The following CSMD2 variants were observed in gnomAD, a reference collection of about 807,000 sequenced individuals.
The protein encoded by CSMD2 is CUB and sushi domain-containing protein 2.
In CSMD2, 130 loss-of-function variants were observed where a neutral mutation model predicts 398.5. That is an observed-to-expected ratio of 0.33 (90% CI 0.28 to 0.38). CSMD2 has a LOEUF of 0.38. Ranked by LOEUF, CSMD2 falls within the 10% of genes least tolerant of loss-of-function variation. The pLI, the probability that CSMD2 is intolerant of heterozygous loss-of-function variation, is 1.00. For missense variants in CSMD2, 3,829 were observed against 4,764.9 expected, an observed-to-expected ratio of 0.80 and a Z score of 5.78; for synonymous variants, 1,828 against 1,908.5, an observed-to-expected ratio of 0.96 and a Z score of 1.10.
chr1:33,625,770 A>G (rs761172202), intron 33 of CSMD2, among the ~76,000 whole-genome samples: 2 of 152,188 alleles, frequency 1.3e-5, no homozygotes, highest in African/African-American at 2.4e-5. Flanking sequence ...AGAGAAACAC[A>G]GCTCATCCTG....
intron 11 of CSMD2, among the ~76,000 whole-genome samples, chr1:33,791,453 T>C (rs1302852783): frequency 1.3e-5 from 2 of 152,166 alleles, no homozygotes; most frequent in Non-Finnish European, 2.9e-5. Flanking sequence ...TCTCTGAAGC[T>C]AAGCCACATG....
intron 39 of CSMD2, among the ~76,000 whole-genome samples, chr1:33,615,806 C>A (rs1641347545): frequency 6.6e-6 from 1 of 152,240 alleles, no homozygotes; most frequent in Non-Finnish European, 1.5e-5. Flanking sequence ...ATGCCCTACA[C>A]CGTGGTGAAA....
chr1:33,948,878 G>T (rs951418280), intron 3 of CSMD2, among the ~76,000 whole-genome samples: 5 of 152,204 alleles, frequency 3.3e-5, no homozygotes, highest in African/African-American at 1.2e-4. Flanking sequence ...TTCAGAGGTA[G>T]GGATCAAGGG....
intron 1 of CSMD2, among the ~76,000 whole-genome samples, chr1:34,098,213 T>A (rs944823059): frequency 7.7e-6 from 1 of 129,760 alleles, no homozygotes; most frequent in African/African-American, 2.9e-5. Context: ...AATTGAACAA[T>A]GAGATCACAT....
chr1:33,970,903 T>C (rs1443624339), intron 3 of CSMD2, among the ~76,000 whole-genome samples: 1 of 152,224 alleles, frequency 6.6e-6, no homozygotes, highest in South Asian at 2.1e-4. Flanking sequence ...ACCAACCATG[T>C]GCATTGTTGC....
intron 2 of CSMD2, among the ~76,000 whole-genome samples, chr1:34,086,597 A>G (rs915879914): frequency 3.3e-5 from 5 of 152,044 alleles, no homozygotes; most frequent in African/African-American, 7.2e-5. Context: ...CCCACACCCA[A>G]TGCAACAACA....
chr1:34,023,036 A>G (rs1408452918), intron 3 of CSMD2, among the ~76,000 whole-genome samples: 2 of 152,068 alleles, frequency 1.3e-5, no homozygotes, highest in African/African-American at 2.4e-5. Flanking sequence ...GAGTTTTGCT[A>G]TGTTACCCAG....
Position 33,663,113 on chromosome 1 carries a change from G to A in CSMD2, c.4053-21C>T, listed in dbSNP as rs751428926. On this transcript the variant is annotated intron_variant, in intron 25 of 70. Transcript: ENST00000373381. The stretch of plus-strand genomic sequence containing the variant: ...GTAGCCTGCACGGAGAGAAGAGGCA[G>A]TGGTCATCTGGACTCAGCCCTTCTT... The A allele has an allele frequency of 4.4e-6, 7 of 1,605,114 alleles. No individual in the cohort carries two copies. The East Asian group carries it at 1.3e-4, about 31-fold the overall frequency.
At chr1:33,555,086 T>C (rs1264065159) in intron 55 of CSMD2, among the ~76,000 whole-genome samples, 1 of 152,212 alleles carries the variant, frequency 6.6e-6, no homozygotes, top group African/African-American at 2.4e-5. Context: ...TTAATCATTC[T>C]AGATGCCATT....
intron 1 of CSMD2, among the ~76,000 whole-genome samples, chr1:34,122,309 C>T (rs1662269775): frequency 6.6e-6 from 1 of 152,116 alleles, no homozygotes; most frequent in Non-Finnish European, 1.5e-5. Flanking sequence ...AGACCCACAG[C>T]TGAGCCTTTG....
At chr1:34,162,970 C>T (rs917634622) in intron 1 of CSMD2, among the ~76,000 whole-genome samples, 1 of 152,212 alleles carries the variant, frequency 6.6e-6, no homozygotes, top group African/African-American at 2.4e-5. Flanking sequence ...ACACAAGGCC[C>T]CCTCCCCGCA....
Position 34,089,045 on chromosome 1 carries a change from G to A in CSMD2, c.336C>T (p.Ala112=). ...ACAGGACATCAAAGTCCTCTTCCAG[G>A]GCAAAGGACTGGAACACAAGCTGGA... The part of the protein sequence containing the change: ...HRIQLVFQSF[A]LEEDFDVLSV... Residue 112 remains alanine, a synonymous_variant, in exon 2 of 71, where the codon GCC becomes GCT. Coordinates refer to ENST00000373381, the MANE Select transcript of CSMD2 (RefSeq NM_001281956.2). The A allele has an allele frequency of 6.2e-7, 1 of 1,614,142 alleles. No homozygotes were observed. The highest frequency in any genetic ancestry group is 8.5e-7 in the Non-Finnish European group (1 of 1,180,030).
intron 6 of CSMD2, among the ~76,000 whole-genome samples, chr1:33,828,139 T>A (rs1326177002): frequency 6.6e-6 from 1 of 152,222 alleles, no homozygotes; most frequent in Admixed American, 6.5e-5. Context: ...CCTCCCAACA[T>A]GCATTCAAAC....
intron 1 of CSMD2, among the ~76,000 whole-genome samples, chr1:34,158,895 G>C (rs899489617): frequency 1.3e-5 from 2 of 152,150 alleles, no homozygotes; most frequent in Admixed American, 6.5e-5. Context: ...TGTCTACAAA[G>C]CATTTAACCA....
chr1:34,146,709 G>C (rs1012403231), intron 1 of CSMD2, among the ~76,000 whole-genome samples: 1 of 152,198 alleles, frequency 6.6e-6, no homozygotes, highest in Non-Finnish European at 1.5e-5. Context: ...ATGAGTCCCA[G>C]GTTTCTGGCT....
chr1:33,636,503 C>T lies in CSMD2; in HGVS notation c.4826G>A (p.Arg1609Gln), dbSNP rs758189789. 48 of 1,614,050 alleles carry T rather than the reference C, an allele frequency of 3.0e-5. No homozygotes were observed. The East Asian group carries it at 6.2e-4, about 21-fold the overall frequency. The change falls in exon 30 of 71, where the codon CGG becomes CAG. Residue 1609 changes from arginine to glutamine, a missense_variant. Physicochemically the swap from Arg to Gln is conservative, Grantham distance 43 (BLOSUM62 1). Coordinates refer to ENST00000373381, the MANE Select transcript of CSMD2 (RefSeq NM_001281956.2). This position sits in a 1 kb window ranked among gnomAD's most constrained non-coding sequence, Gnocchi z 4.8. ...GCCCAGCTTCAGGTCGGACCCCACC[C>T]GTGTGCCGTTCTTGATGGAACCAGG... is the stretch of plus-strand genomic sequence containing the variant. Reference protein sequence around the residue: ...FDPGSIKNGTRVGSDLKLGSS... With the variant: ...FDPGSIKNGTQVGSDLKLGSS...
chr1:33,658,679 C>T (rs1303767463), intron 26 of CSMD2, among the ~76,000 whole-genome samples: 1 of 152,000 alleles, frequency 6.6e-6, no homozygotes, highest in East Asian at 1.9e-4. Context: ...CTGAGCAACA[C>T]AGCAAGACCC....
intron 6 of CSMD2, among the ~76,000 whole-genome samples, chr1:33,832,399 C>CTCCTGAATGAAT (rs527303355): frequency 7.6e-6 from 1 of 131,048 alleles, no homozygotes; most frequent in Non-Finnish European, 1.6e-5. Flanking sequence ...GAACAACCTG[C>CTCCTGAATGAAT]ACTGGGTACA....
At chr1:33,743,245 A>G (rs765699147) in intron 14 of CSMD2, 35 bp downstream of exon 14, 2 of 1,538,712 alleles carry the variant, frequency 1.3e-6, no homozygotes, top group Middle Eastern at 1.7e-4. Flanking sequence ...AGACACTCAG[A>G]TGGAGGGCCA....
Sources: allele counts gnomAD v4.1 joint callset (sites outside exome capture counted in the v4.1 genomes callset), GRCh38; gene constraint gnomAD v4.1.1; non-coding constraint Gnocchi (gnomAD v3.1); transcripts MANE v1.5; gene names NCBI Gene and HGNC (gene_info 2026-07-23, HGNC 2026-07-21).